PTPRD: variants seen among roughly 807,000 people sequenced by gnomAD.
The protein encoded by PTPRD is receptor-type tyrosine-protein phosphatase delta.
A neutral mutation model predicts 214.5 loss-of-function variants in PTPRD; 34 were observed. The ratio of observed to expected loss-of-function variants is 0.16; its 90% CI spans 0.12 to 0.21. The LOEUF (loss-of-function observed/expected upper bound fraction) is 0.21. PTPRD is among the 10% of genes least tolerant of loss of function. The pLI, the probability that PTPRD is intolerant of heterozygous loss-of-function variation, is 1.00. For synonymous variants in PTPRD, 1,128 were observed against 845.7 expected (o/e 1.33, Z -5.79); for missense variants, 2,545 against 2,398.7 (o/e 1.06, Z -1.27).
At position 10,301,036 on chromosome 9, in the gene PTPRD, T is replaced by C. The variant is rs371008108; in HGVS notation, c.-545+39927A>G. On this transcript the variant is annotated intron_variant, in intron 3 of 45. Transcript: ENST00000381196. ...GAAAGCTCTGGCTGGCGTCTGGCAA[T>C]TGCCCCTCTGGGATGAAGCTTCCAG... 5.3e-5 allele frequency among the ~76,000 whole-genome samples: 8 copies of C among 152,054 alleles called. 1 individual carries two copies. The Middle Eastern group carries it at 0.01, about 194-fold the overall frequency.
At chr9:9,396,380 A>G (rs765196906) in intron 9 of PTPRD, among the ~76,000 whole-genome samples, 7 of 152,068 alleles carry the variant, frequency 4.6e-5, no homozygotes, top group African/African-American at 1.7e-4. Context: ...TCAGATTCTA[A>G]ATCAGAATCT....
chr9:9,661,477 T>G (rs1012266377), intron 7 of PTPRD, among the ~76,000 whole-genome samples: 2 of 151,872 alleles, frequency 1.3e-5, no homozygotes, highest in Non-Finnish European at 2.9e-5. Context: ...TATGGTATCG[T>G]TGGACAATAA....
chr9:9,223,402 T>A (rs1299402943), intron 9 of PTPRD, among the ~76,000 whole-genome samples: 1 of 152,128 alleles, frequency 6.6e-6, no homozygotes, highest in East Asian at 1.9e-4. Flanking sequence ...ATTCCACACT[T>A]TAGAATGTTA....
chr9:9,874,705 T>C (rs951956244), intron 5 of PTPRD, among the ~76,000 whole-genome samples: 6 of 152,202 alleles, frequency 3.9e-5, no homozygotes, highest in East Asian at 1.9e-4. Flanking sequence ...TTAAATGATT[T>C]ATTTATTACT....
intron 9 of PTPRD, among the ~76,000 whole-genome samples, chr9:9,226,005 C>T (rs975535181): frequency 5.9e-5 from 9 of 151,948 alleles, no homozygotes; most frequent in Non-Finnish European, 1.2e-4. Flanking sequence ...TTATGGTTCC[C>T]TCTTCTGGAA....
chr9:9,540,057 T>C (rs1391777549), intron 8 of PTPRD, among the ~76,000 whole-genome samples: 1 of 151,772 alleles, frequency 6.6e-6, no homozygotes, highest in Admixed American at 6.6e-5. Context: ...GAGTTATTCT[T>C]TTAAAGTTAT....
chr9:9,483,724 A>G (rs2147222939), intron 8 of PTPRD, among the ~76,000 whole-genome samples: 1 of 152,060 alleles, frequency 6.6e-6, no homozygotes, highest in African/African-American at 2.4e-5. Flanking sequence ...AGGAATAAGT[A>G]ACTCATTTCC....
intron 9 of PTPRD, among the ~76,000 whole-genome samples, chr9:9,361,318 G>A (rs992302614): frequency 4.0e-5 from 6 of 151,032 alleles, no homozygotes; most frequent in Admixed American, 6.6e-5. Context: ...ATTCAGTCAT[G>A]TCATATTGCT....
chr9:9,029,966 C>T (rs2099599334), intron 10 of PTPRD, among the ~76,000 whole-genome samples: 2 of 151,828 alleles, frequency 1.3e-5, no homozygotes, highest in Non-Finnish European at 2.9e-5. Flanking sequence ...TTCTTTGATG[C>T]AGAGCCAGGA....
At chr9:8,757,768 G>C (rs778876853) in intron 11 of PTPRD, among the ~76,000 whole-genome samples, 2 of 151,528 alleles carry the variant, frequency 1.3e-5, no homozygotes, top group Non-Finnish European at 2.9e-5. Flanking sequence ...TGGTGAACTA[G>C]ATAATAACAA....
At chr9:8,796,568 A>T (rs967283168) in intron 11 of PTPRD, among the ~76,000 whole-genome samples, 6 of 152,090 alleles carry the variant, frequency 3.9e-5, no homozygotes, top group African/African-American at 1.4e-4. Flanking sequence ...TTTCTTAAAA[A>T]CTCTGCAGTT....
At chr9:10,333,988 A>C (rs1275993187) in intron 3 of PTPRD, among the ~76,000 whole-genome samples, 2 of 151,774 alleles carry the variant, frequency 1.3e-5, no homozygotes, top group African/African-American at 4.8e-5. Flanking sequence ...AGTTTTCCTC[A>C]TTTTTCTTCT....
At position 9,432,047 on chromosome 9, in the gene PTPRD, TATAATAATAATAATAATA is replaced by T. The variant is rs373767588; in HGVS notation, c.-236-34583_-236-34566del. Among the ~76,000 whole-genome samples, 54 of 138,420 alleles carry T rather than the reference TATAATAATAATAATAATA, an allele frequency of 3.9e-4. 1 individual carries two copies. The highest frequency in any genetic ancestry group is 1.1e-3 in the African/African-American group (42 of 37,474). 90.8% of individuals were successfully genotyped at this position (138,420 alleles called of 152,430 possible). ...TGTACATGTACCCTAGAACTTAAAG[TATAATAATAATAATAATA>T]ATAATAATAATAATAATAATAATAA... On this transcript the variant is annotated intron_variant, in intron 8 of 45. Coordinates refer to ENST00000381196, the MANE Select transcript of PTPRD (RefSeq NM_002839.4).
intron 14 of PTPRD, among the ~76,000 whole-genome samples, chr9:8,629,949 C>G (rs756884295): frequency 9.9e-5 from 15 of 151,728 alleles, no homozygotes; most frequent in Non-Finnish European, 2.2e-4. Context: ...CGAAGGGAAA[C>G]TTGTTCCTGA....
chr9:10,604,500 G>A (rs963210564), intron 2 of PTPRD, among the ~76,000 whole-genome samples: 5 of 151,680 alleles, frequency 3.3e-5, no homozygotes, highest in East Asian at 1.9e-4. Context: ...CCTCCTGAGG[G>A]GCAGGAAAAT....
intron 21 of PTPRD, among the ~76,000 whole-genome samples, chr9:8,511,168 A>G (rs1171106518): frequency 1.3e-5 from 2 of 152,148 alleles, no homozygotes; most frequent in Non-Finnish European, 2.9e-5. Context: ...TCCAGGTCTC[A>G]AGTGCTCCTT....
At chr9:9,523,464 T>A (rs1396211079) in intron 8 of PTPRD, among the ~76,000 whole-genome samples, 3 of 152,168 alleles carry the variant, frequency 2.0e-5, no homozygotes, top group Non-Finnish European at 4.4e-5. Context: ...AATAAATAAA[T>A]ATTGGATTAT....
intron 11 of PTPRD, among the ~76,000 whole-genome samples, chr9:8,917,279 C>T (rs898130316): frequency 7.1e-6 from 1 of 140,334 alleles, no homozygotes; most frequent in South Asian, 2.5e-4. Flanking sequence ...CAGGTGCCCA[C>T]CACCAGCCCA....
intron 9 of PTPRD, among the ~76,000 whole-genome samples, chr9:9,240,387 T>C (rs1490712454): frequency 6.6e-6 from 1 of 152,150 alleles, no homozygotes; most frequent in Non-Finnish European, 1.5e-5. Context: ...AAAAATTCTT[T>C]CTAGGCTGGA....
Sources: allele counts gnomAD v4.1 joint callset (sites outside exome capture counted in the v4.1 genomes callset), GRCh38; gene constraint gnomAD v4.1.1; transcripts MANE v1.5; gene names NCBI Gene and HGNC (gene_info 2026-07-23, HGNC 2026-07-21).